The following RUFY2 variants were observed in gnomAD, a reference collection of about 807,000 sequenced individuals.
RUFY2 encodes RUN and FYVE domain containing 2, also known as RUN and FYVE domain-containing protein 2.
A neutral mutation model predicts 94.4 loss-of-function variants in RUFY2; 49 were observed. The ratio of observed to expected loss-of-function variants is 0.52; its 90% CI spans 0.41 to 0.66. The LOEUF is 0.66. RUFY2 is among the 30% of genes least tolerant of loss of function. The pLI, the probability that RUFY2 is intolerant of heterozygous loss-of-function variation, is 0.00. For missense variants in RUFY2, 541 were observed against 692.8 expected, an observed-to-expected ratio of 0.78 and a Z score of 2.46; for synonymous variants, 255 against 235.7, an observed-to-expected ratio of 1.08 and a Z score of -0.75.
At chr10:68,356,060 A>G (rs1589792580) in intron 15 of RUFY2, among the ~76,000 whole-genome samples, 1 of 152,200 alleles carries the variant, frequency 6.6e-6, no homozygotes, top group African/African-American at 2.4e-5. Context: ...TTAAAGATGA[A>G]GAAATGACTG....
intron 2 of RUFY2, among the ~76,000 whole-genome samples, chr10:68,403,476 C>T (rs1315371487): frequency 2.6e-5 from 4 of 152,024 alleles, no homozygotes; most frequent in African/African-American, 9.7e-5. Flanking sequence ...GTCTTGAACT[C>T]CTGACCTCAA....
intron 13 of RUFY2, among the ~76,000 whole-genome samples, chr10:68,369,634 T>A (rs1383056995): frequency 6.6e-6 from 1 of 151,776 alleles, no homozygotes; most frequent in Non-Finnish European, 1.5e-5. Context: ...AACAGCCAGT[T>A]TGGTAGGCCA....
chr10:68,342,067 C>T (rs1251806596), downstream of RUFY2: 7 of 1,603,130 alleles, frequency 4.4e-6, no homozygotes, highest in Non-Finnish European at 5.1e-6. Context: ...GCAAAAACAC[C>T]AACATACAAG....
chr10:68,388,563 G>A (rs1445472119), intron 7 of RUFY2, among the ~76,000 whole-genome samples: 2 of 152,156 alleles, frequency 1.3e-5, no homozygotes, highest in African/African-American at 2.4e-5. Context: ...AAGGCCGGGT[G>A]CAGTGGCTAA....
chr10:68,378,508 A>G (rs1011320077), intron 12 of RUFY2: 233 of 1,436,490 alleles, frequency 1.6e-4, no homozygotes, highest in Non-Finnish European at 6.7e-5. Flanking sequence ...TATTTAATAT[A>G]TTATAAAATT....
chr10:68,358,911 A>C (rs1179629055), intron 15 of RUFY2, among the ~76,000 whole-genome samples: 1 of 152,194 alleles, frequency 6.6e-6, no homozygotes, highest in Non-Finnish European at 1.5e-5. Flanking sequence ...ACTCGGTCTT[A>C]TGCCCGGCCT....
rs17297439 is a variant in RUFY2 at position 68,343,704 on chromosome 10, G to A, written c.*2064C>T. 0.11 allele frequency: 15,603 copies of A among 148,474 alleles called. 1,048 individuals are homozygous for A. The highest frequency in any genetic ancestry group is 0.25 in the South Asian group (1,179 of 4,742). 9.2% of individuals were successfully genotyped at this position (148,474 alleles called of 1,614,324 possible). ...AAAATGAATACGAGTTCACAATCAC[G>A]AAATACAGATTGTTAAAAGTCTTGT... On this transcript the variant is annotated 3_prime_UTR_variant, in exon 18 of 18. Coordinates refer to ENST00000602465, the MANE Select transcript of RUFY2 (RefSeq NM_001330103.2).
intron 13 of RUFY2, among the ~76,000 whole-genome samples, chr10:68,372,916 AAAAG>A (rs1347658917): frequency 1.3e-5 from 2 of 152,062 alleles, no homozygotes; most frequent in South Asian, 4.1e-4. Context: ...TCAAAAAAAA[AAAAG>A]AATGTTTAAA....
At chr10:68,354,872 A>T (rs2046937104) in intron 16 of RUFY2, among the ~76,000 whole-genome samples, 1 of 148,144 alleles carries the variant, frequency 6.8e-6, no homozygotes, top group Non-Finnish European at 1.5e-5. Flanking sequence ...TTTGAGAAAG[A>T]GTCTCGCTCT....
At chr10:68,356,330 A>T (rs1038029983) in intron 15 of RUFY2, among the ~76,000 whole-genome samples, 5 of 151,850 alleles carry the variant, frequency 3.3e-5, no homozygotes, top group Non-Finnish European at 7.4e-5. Context: ...ATACAGTGAA[A>T]CCCCATCTCT....
At chr10:68,347,894 C>G (rs1469196972) in intron 16 of RUFY2, among the ~76,000 whole-genome samples, 1 of 150,666 alleles carries the variant, frequency 6.6e-6, no homozygotes, top group East Asian at 1.9e-4. Context: ...CCCATAGATA[C>G]ATTTCTAAAA....
downstream of RUFY2, chr10:68,341,857 T>C (rs1306374651): frequency 4.4e-6 from 7 of 1,605,806 alleles, no homozygotes; most frequent in Non-Finnish European, 6.0e-6. Context: ...TTATGGTAAG[T>C]ATCTCTAGTT....
chr10:68,346,277 G>C, intron 16 of RUFY2, 193 bp from the exon 17 acceptor site: 1 of 533,540 alleles, frequency 1.9e-6, no homozygotes, highest in African/African-American at 1.9e-5. Context: ...GGGGAGGTGG[G>C]ATGTGGATTA....
intron 3 of RUFY2, among the ~76,000 whole-genome samples, chr10:68,397,194 C>G (rs1457277319): frequency 6.6e-6 from 1 of 152,112 alleles, no homozygotes; most frequent in African/African-American, 2.4e-5. Flanking sequence ...CATTTGCAAA[C>G]CTAGATGGTA....
At chr10:68,357,141 G>C (rs1386382969) in intron 15 of RUFY2, among the ~76,000 whole-genome samples, 1 of 151,734 alleles carries the variant, frequency 6.6e-6, no homozygotes, top group African/African-American at 2.4e-5. Flanking sequence ...GCACTCCTGG[G>C]TGACAGAGCA....
intron 13 of RUFY2, among the ~76,000 whole-genome samples, chr10:68,371,099 T>C (rs1385465358): frequency 5.3e-5 from 7 of 133,130 alleles, no homozygotes; most frequent in African/African-American, 2.0e-4. Flanking sequence ...GCCACTGCAC[T>C]CCAGCCTGGG....
intron 1 of RUFY2, chr10:68,406,947 C>T: frequency 6.4e-7 from 1 of 1,552,068 alleles, no homozygotes; most frequent in Non-Finnish European, 8.7e-7. Context: ...CACCTCGAGC[C>T]CTCGGCCACT....
At chr10:68,397,140 C>T (rs2050450278) in intron 3 of RUFY2, among the ~76,000 whole-genome samples, 1 of 152,160 alleles carries the variant, frequency 6.6e-6, no homozygotes, top group Admixed American at 6.5e-5. Flanking sequence ...CTTAATGATA[C>T]TTTCAGAAAA....
downstream of RUFY2, chr10:68,341,250 T>C (rs1182805682): frequency 2.5e-6 from 4 of 1,607,048 alleles, no homozygotes; most frequent in Non-Finnish European, 3.4e-6. Context: ...GAAGCAGATG[T>C]AGAGTTTGTG....
Sources: allele counts gnomAD v4.1 joint callset (sites outside exome capture counted in the v4.1 genomes callset), GRCh38; gene constraint gnomAD v4.1.1; transcripts MANE v1.5; gene names NCBI Gene and HGNC (gene_info 2026-07-23, HGNC 2026-07-21).